The following NDUFS4 variants were observed in gnomAD, a reference collection of about 807,000 sequenced individuals.
NDUFS4 encodes the protein NADH dehydrogenase [ubiquinone] iron-sulfur protein 4, mitochondrial.
In NDUFS4, 28 loss-of-function variants were observed where a neutral mutation model predicts 24.3. That is an observed-to-expected ratio of 1.15 (90% CI 0.85 to 1.58). NDUFS4 has a LOEUF of 1.58. Among genes scored for constraint, NDUFS4 ranks in the 40% most tolerant of loss-of-function variants. The pLI, the probability that NDUFS4 is intolerant of heterozygous loss-of-function variation, is 0.00. For missense variants in NDUFS4, 223 were observed against 207.9 expected (o/e 1.07, Z -0.45); for synonymous variants, 93 against 69.7 (o/e 1.34, Z -1.67).
At chr5:53,583,233 A>T (rs115597566) in intron 1 of NDUFS4, among the ~76,000 whole-genome samples, 158 of 152,304 alleles carry the variant, frequency 1.0e-3, no homozygotes, top group African/African-American at 3.6e-3. Context: ...GCCATCATGG[A>T]CAATGTCAGA....
intron 4 of NDUFS4, among the ~76,000 whole-genome samples, chr5:53,671,816 G>T (rs1740254122): frequency 6.6e-6 from 1 of 151,912 alleles, no homozygotes; most frequent in Non-Finnish European, 1.5e-5. Context: ...AACCAGAAAT[G>T]GTCTTTTTTC....
At chr5:53,584,887 C>T (rs1749694939) in intron 1 of NDUFS4, among the ~76,000 whole-genome samples, 2 of 152,030 alleles carry the variant, frequency 1.3e-5, no homozygotes, top group Admixed American at 1.3e-4. Flanking sequence ...TGTGCCTCAG[C>T]CTCCCAAGTA....
chr5:53,601,003 A>C (rs994154890), intron 1 of NDUFS4, among the ~76,000 whole-genome samples: 1 of 130,702 alleles, frequency 7.7e-6, no homozygotes, highest in African/African-American at 2.9e-5. Context: ...TTTATAATAA[A>C]TTTTTTTTTT....
intron 4 of NDUFS4, among the ~76,000 whole-genome samples, chr5:53,662,616 A>G (rs1192220080): frequency 3.3e-5 from 5 of 151,994 alleles, no homozygotes; most frequent in African/African-American, 4.8e-5. Flanking sequence ...CTGTGAATCC[A>G]TCTGGTCCTG....
intron 1 of NDUFS4, among the ~76,000 whole-genome samples, chr5:53,562,002 T>C (rs2112400226): frequency 6.6e-6 from 1 of 152,160 alleles, no homozygotes; most frequent in East Asian, 1.9e-4. Context: ...TTTTTCCTTT[T>C]TCTTTCTCTT....
chr5:53,661,442 C>A (rs1430998135), intron 4 of NDUFS4, among the ~76,000 whole-genome samples: 1 of 152,112 alleles, frequency 6.6e-6, no homozygotes, highest in Non-Finnish European at 1.5e-5. Flanking sequence ...CTTGATGCCT[C>A]CAGCTTTGTT....
At chr5:53,645,848 C>T (rs1324784402) in intron 2 of NDUFS4, among the ~76,000 whole-genome samples, 2 of 152,092 alleles carry the variant, frequency 1.3e-5, no homozygotes, top group South Asian at 2.1e-4. Flanking sequence ...CTTTTTATAT[C>T]CCCTTTTCAT....
At position 53,678,495 on chromosome 5, in the gene NDUFS4, C is replaced by T. The variant is rs541698377; in HGVS notation, c.425-4623C>T. Among the ~76,000 whole-genome samples, 9 of 152,232 alleles carry T rather than the reference C, an allele frequency of 5.9e-5. No homozygotes were observed. In the South Asian group the frequency reaches 8.3e-4, roughly 14 times the overall value. On this transcript the variant is annotated intron_variant, in intron 4 of 4. Transcript: ENST00000296684. ...CTCCATTGCTTTGATCTTCTTCTGTCGCACAGCTGAGAAGAGCAAGGGGCT... is the reference window on the plus strand; with the variant it reads ...CTCCATTGCTTTGATCTTCTTCTGTTGCACAGCTGAGAAGAGCAAGGGGCT...
chr5:53,603,530 G>T lies in NDUFS4; in HGVS notation c.177G>T (p.Leu59Phe). ...DTQLITVDEK[L>F]DITTLTGVPE... ...AACTCATAACAGTTGATGAAAAATT[G>T]GTAAGGATTTTCTACTACACACTGC... The change falls in exon 2 of 5, where the codon TTG becomes TTT. Residue 59 changes from leucine (L) to phenylalanine (F), a missense_variant and splice_region_variant. Transcript: ENST00000296684. 6.2e-7 allele frequency: 1 copy of T among 1,612,638 alleles called. No individual in the cohort carries two copies. Among genetic ancestry groups the T allele is most frequent in the Non-Finnish European group, 8.5e-7 (1 of 1,178,988 alleles).
Position 53,643,913 on chromosome 5 carries a change from G to T in NDUFS4, c.178-2320G>T, listed in dbSNP as rs1354530451. 7.9e-5 allele frequency among the ~76,000 whole-genome samples: 12 copies of T among 152,214 alleles called. No individual in the cohort carries two copies. In the South Asian group the frequency reaches 2.5e-3, roughly 32 times the overall value. ...GTTCAAATGCCAACTTTAAATTAGG[G>T]TAAGATACCAATAAATAATTGCTGT... On this transcript the variant is annotated intron_variant, in intron 2 of 4. Coordinates refer to ENST00000296684, the MANE Select transcript of NDUFS4 (RefSeq NM_002495.4).
chr5:53,653,082 C>T (rs913628257), intron 3 of NDUFS4, among the ~76,000 whole-genome samples: 2 of 152,056 alleles, frequency 1.3e-5, no homozygotes, highest in African/African-American at 4.8e-5. Flanking sequence ...GTCATTGAAA[C>T]TCAGTGATCA....
At chr5:53,658,922 A>C (rs1342592956) in intron 4 of NDUFS4, 3 of 299,128 alleles carry the variant, frequency 1.0e-5, no homozygotes, top group African/African-American at 6.5e-5. Flanking sequence ...TAAAATTACT[A>C]ACATTTTGTT....
intron 4 of NDUFS4, among the ~76,000 whole-genome samples, chr5:53,665,104 A>G (rs1028330028): frequency 6.6e-5 from 10 of 152,214 alleles, no homozygotes; most frequent in South Asian, 2.1e-4. Flanking sequence ...TCCAGACCCT[A>G]TTTGCCTGGG....
intron 1 of NDUFS4, among the ~76,000 whole-genome samples, chr5:53,586,948 C>T (rs551863449): frequency 1.9e-4 from 28 of 150,954 alleles, no homozygotes; most frequent in Non-Finnish European, 2.8e-4. Flanking sequence ...TTCAGCCTCC[C>T]GAGTAGCTGG....
chr5:53,630,260 G>T (rs966792905), intron 2 of NDUFS4, among the ~76,000 whole-genome samples: 2 of 152,134 alleles, frequency 1.3e-5, no homozygotes, highest in Non-Finnish European at 2.9e-5. Flanking sequence ...CTGTTAGTCT[G>T]ATGGGCTTCC....
intron 4 of NDUFS4, among the ~76,000 whole-genome samples, chr5:53,675,378 G>A (rs1740431634): frequency 6.6e-6 from 1 of 151,848 alleles, no homozygotes; most frequent in African/African-American, 2.4e-5. Context: ...TAGCCAGGAT[G>A]TTCTCGATTT....
intron 2 of NDUFS4, among the ~76,000 whole-genome samples, chr5:53,622,553 C>T (rs1000212200): frequency 6.6e-6 from 1 of 152,082 alleles, no homozygotes; most frequent in African/African-American, 2.4e-5. Context: ...ACCCTAATTA[C>T]CTCCCAAAGG....
intron 2 of NDUFS4, among the ~76,000 whole-genome samples, chr5:53,615,989 A>C (rs559858175): frequency 6.6e-6 from 1 of 152,128 alleles, no homozygotes; most frequent in African/African-American, 2.4e-5. Flanking sequence ...AAGATTTGAC[A>C]TCCAAAGAAT....
intron 1 of NDUFS4, among the ~76,000 whole-genome samples, chr5:53,586,150 G>A (rs530364001): frequency 2.4e-4 from 37 of 151,728 alleles, no homozygotes; most frequent in Non-Finnish European, 4.6e-4. Flanking sequence ...CTAACACGGC[G>A]AAACCCCATC....
Sources: gnomAD v4.1 joint callset for allele counts (sites outside exome capture counted in the v4.1 genomes callset) on GRCh38, gnomAD v4.1.1 for gene constraint, MANE v1.5 for transcripts, NCBI Gene and HGNC (gene_info 2026-07-23, HGNC 2026-07-21) for gene names.